The following CYP19A1 variants were observed in gnomAD, a reference collection of about 807,000 sequenced individuals.
CYP19A1 encodes the protein cytochrome P450 family 19 subfamily A member 1.
Under a neutral mutation model 44.4 loss-of-function variants are expected in CYP19A1, and 32 were observed. That is an observed-to-expected ratio of 0.72 (90% CI 0.54 to 0.97). CYP19A1 has a LOEUF of 0.97. Ranked by LOEUF, CYP19A1 falls within the 50% of genes least tolerant of loss-of-function variation. The pLI is 0.00. For synonymous variants in CYP19A1, 212 were observed against 215.6 expected (o/e 0.98, Z 0.14); for missense variants, 598 against 637.8 (o/e 0.94, Z 0.67).
Position 51,215,225 on chromosome 15 carries a change from C to A in CYP19A1, c.866G>T (p.Gly289Val), listed in dbSNP as rs753093862. 1 of 1,613,944 alleles carries A rather than the reference C, an allele frequency of 6.2e-7. No individual in the cohort carries two copies. Among genetic ancestry groups the A allele is most frequent in the South Asian group, 1.1e-5 (1 of 91,074 alleles). The change falls in exon 8 of 10, where the codon GGT becomes GTT. Residue 289 changes from glycine to valine, a missense_variant. Physicochemically the swap from Gly to Val is moderately radical, Grantham distance 109 (BLOSUM62 -3). Coordinates refer to ENST00000396402, the MANE Select transcript of CYP19A1 (RefSeq NM_000103.4). Reference protein sequence around the residue: ...ATELILAEKRGDLTRENVNQC... With the variant: ...ATELILAEKRVDLTRENVNQC... ...GTTCACATTCTCTCTTGTCAGGTCA[C>A]CACGTTTCTGAACAATTGGAAGATG... is the stretch of plus-strand genomic sequence containing the variant.
rs1215216031 is a variant in CYP19A1 at position 51,209,160 on chromosome 15, A to G, written c.*1648T>C. On this transcript the variant is annotated 3_prime_UTR_variant, in exon 10 of 10. Transcript: ENST00000396402. ...TTTTTAGGCCATATAGATGATCCAA[A>G]TAATTCCAAGCTCAAATAAATGTTT... 1 of 152,234 alleles carries G rather than the reference A, an allele frequency of 6.6e-6. No homozygotes were observed. Among genetic ancestry groups the G allele is most frequent in the Non-Finnish European group, 1.5e-5 (1 of 68,040 alleles). 9.4% of individuals were successfully genotyped at this position (152,234 alleles called of 1,614,324 possible). A position where few individuals can be genotyped will look rare whatever the true frequency, so the allele number is the denominator to read the frequency against.
chr15:51,223,005 C>T (rs1294339294), intron 4 of CYP19A1, among the ~76,000 whole-genome samples: 1 of 152,172 alleles, frequency 6.6e-6, no homozygotes, highest in Non-Finnish European at 1.5e-5. Context: ...ATCTAAGGTG[C>T]TTCCTGTTTA....
rs552351651 is a variant in CYP19A1, at chr15:51,297,562, C to A, written c.-39+40933G>T. Among the ~76,000 whole-genome samples, 15 of 152,124 alleles carry A rather than the reference C, an allele frequency of 9.9e-5. No individual in the cohort carries two copies. In the South Asian group the frequency reaches 2.9e-3, roughly 29 times the overall value. On this transcript the variant is annotated intron_variant, in intron 1 of 9. Transcript: ENST00000396402. ...AATGACCCAGGGGTCAGTTCTAAGA[C>A]CCAGGCTCCCATAAGCTACCTCAGC... is the stretch of plus-strand genomic sequence containing the variant.
intron 1 of CYP19A1, among the ~76,000 whole-genome samples, chr15:51,275,098 G>A (rs886486784): frequency 4.6e-5 from 7 of 152,176 alleles, no homozygotes; most frequent in African/African-American, 1.4e-4. Flanking sequence ...GTTGTGGCCC[G>A]TGTCAGGGTG....
intron 1 of CYP19A1, among the ~76,000 whole-genome samples, chr15:51,261,075 A>G (rs1174044352): frequency 1.3e-5 from 2 of 151,948 alleles, no homozygotes; most frequent in African/African-American, 2.4e-5. Flanking sequence ...GCCCATCGCC[A>G]CTCCCGATCG....
intron 3 of CYP19A1, among the ~76,000 whole-genome samples, chr15:51,236,169 C>T (rs763720504): frequency 7.2e-5 from 11 of 152,124 alleles, no homozygotes; most frequent in Admixed American, 2.0e-4. Flanking sequence ...ATCACTCCAC[C>T]GGGATACTCG....
intron 1 of CYP19A1, among the ~76,000 whole-genome samples, chr15:51,311,170 A>G (rs2036303023): frequency 6.7e-6 from 1 of 150,246 alleles, no homozygotes; most frequent in African/African-American, 2.4e-5. Context: ...TTGGAACTGG[A>G]AAAAAAAAAC....
intron 1 of CYP19A1, among the ~76,000 whole-genome samples, chr15:51,252,772 CCTAGCCA>C (rs28757158): frequency 0.14 from 21,887 of 152,010 alleles, 2,753 homozygotes; most frequent in African/African-American, 0.33. Context: ...TCTACAATAT[CCTAGCCA>C]CTAGCCACTG....
At chr15:51,304,890 C>CTTT (rs545247348) in intron 1 of CYP19A1, among the ~76,000 whole-genome samples, 15 of 104,576 alleles carry the variant, frequency 1.4e-4, no homozygotes, top group East Asian at 3.4e-4. Context: ...GTGTCTCTTC[C>CTTT]TTTTTTTTTT....
intron 1 of CYP19A1, among the ~76,000 whole-genome samples, chr15:51,283,035 G>T (rs140518975): frequency 1.5e-3 from 226 of 152,274 alleles, no homozygotes; most frequent in African/African-American, 5.1e-3. Context: ...TTAAAAAGGC[G>T]TATAAAGATG....
intron 1 of CYP19A1, among the ~76,000 whole-genome samples, chr15:51,291,514 T>C (rs573209374): frequency 2.6e-5 from 4 of 152,178 alleles, no homozygotes; most frequent in Non-Finnish European, 5.9e-5. Context: ...AAGGACTTCA[T>C]TTCAAAGGCC....
intron 2 of CYP19A1, among the ~76,000 whole-genome samples, chr15:51,238,136 T>C (rs2141109881): frequency 6.6e-6 from 1 of 152,354 alleles, no homozygotes; most frequent in East Asian, 1.9e-4. Context: ...TGTCAGCTCT[T>C]TTTTCCCTTT....
At chr15:51,230,879 C>T (rs1465110190) in intron 3 of CYP19A1, among the ~76,000 whole-genome samples, 1 of 152,148 alleles carries the variant, frequency 6.6e-6, no homozygotes, top group Non-Finnish European at 1.5e-5. Flanking sequence ...ACTTTCACCT[C>T]CCAAAGTGCT....
chr15:51,221,000 G>T (rs2032029800), intron 5 of CYP19A1, among the ~76,000 whole-genome samples: 1 of 150,918 alleles, frequency 6.6e-6, no homozygotes, highest in Non-Finnish European at 1.5e-5. Flanking sequence ...TCAGTAGAGT[G>T]ATTTGGGGGG....
intron 3 of CYP19A1, among the ~76,000 whole-genome samples, chr15:51,229,133 C>T (rs2032823439): frequency 6.6e-6 from 1 of 152,176 alleles, no homozygotes; most frequent in East Asian, 1.9e-4. Flanking sequence ...CCAGCTCTCA[C>T]ATCTGCGATG....
intron 1 of CYP19A1, among the ~76,000 whole-genome samples, chr15:51,297,817 G>GACACACACACAC (rs1159870053): frequency 0.045 from 5,053 of 111,676 alleles, 209 homozygotes; most frequent in African/African-American, 0.057. Flanking sequence ...CTGTAGGCAT[G>GACACACACACAC]ACACACACAC....
At chr15:51,277,974 T>C (rs1302170020) in intron 1 of CYP19A1, 3 of 150,254 alleles carry the variant, frequency 2.0e-5, no homozygotes, top group Non-Finnish European at 4.4e-5. Context: ...TTTTTTTTTT[T>C]TTCCCCAGGA....
intron 1 of CYP19A1, among the ~76,000 whole-genome samples, chr15:51,305,762 T>C (rs947822395): frequency 6.6e-6 from 1 of 152,172 alleles, no homozygotes; most frequent in African/African-American, 2.4e-5. Context: ...GGTTTCACTA[T>C]GTTGGCCAGG....
At chr15:51,251,245 G>A (rs2034296354) in intron 1 of CYP19A1, among the ~76,000 whole-genome samples, 1 of 152,134 alleles carries the variant, frequency 6.6e-6, no homozygotes, top group African/African-American at 2.4e-5. Context: ...TAGCAAAGAC[G>A]GAAGGTCCCC....
Sources: allele counts gnomAD v4.1 joint callset (sites outside exome capture counted in the v4.1 genomes callset), GRCh38; gene constraint gnomAD v4.1.1; transcripts MANE v1.5; gene names NCBI Gene and HGNC (gene_info 2026-07-23, HGNC 2026-07-21).